Variants in HECW1 observed in about 807,000 individuals in gnomAD.
The protein encoded by HECW1 is E3 ubiquitin-protein ligase HECW1.
HECW1 carries 61 observed loss-of-function variants against 182.3 expected under a neutral mutation model. The ratio of observed to expected loss-of-function variants is 0.33; its 90% confidence interval spans 0.27 to 0.41. The LOEUF is 0.41. Ranked by LOEUF, HECW1 falls within the 10% of genes least tolerant of loss-of-function variation. The probability of loss-of-function intolerance (pLI) is 1.00; values close to 1 mark genes in which losing one functional copy is unlikely to be tolerated. For missense variants in HECW1, 1,739 were observed against 2,108.9 expected, an observed-to-expected ratio of 0.82 and a Z score of 3.44; for synonymous variants, 859 against 832.6, an observed-to-expected ratio of 1.03 and a Z score of -0.55.
intron 24 of HECW1, among the ~76,000 whole-genome samples, chr7:43,536,513 C>T (rs1462730067): frequency 6.6e-6 from 1 of 152,210 alleles, no homozygotes; most frequent in Non-Finnish European, 1.5e-5. Flanking sequence ...TGCATGTGCA[C>T]CTGCTGGGTA....
At chr7:43,520,626 TTATTA>T (rs2080422831) in intron 24 of HECW1, among the ~76,000 whole-genome samples, 1 of 126,870 alleles carries the variant, frequency 7.9e-6, no homozygotes, top group African/African-American at 2.7e-5. Context: ...AATTATTTTT[TTATTA>T]TTATTATTCT....
chr7:43,365,541 A>T lies in HECW1; in HGVS notation c.555+4561A>T, dbSNP rs1584642831. Among the ~76,000 whole-genome samples the T allele has an allele frequency of 1.3e-5, 2 of 152,176 alleles. 1 individual carries two copies. Among genetic ancestry groups the T allele is most frequent in the South Asian group, 4.1e-4 (2 of 4,832 alleles). ...ATGTGTAGTCAAAGATGTATTTCTT[A>T]TGTTGTCTTTATCAGCATTAAAATG... On this transcript the variant is annotated intron_variant, in intron 6 of 29. Transcript: ENST00000395891.
chr7:43,523,957 G>A (rs1010466735), intron 24 of HECW1, among the ~76,000 whole-genome samples: 1 of 152,068 alleles, frequency 6.6e-6, no homozygotes, highest in Non-Finnish European at 1.5e-5. Context: ...AATGAGTGAT[G>A]CCTAAGGCAA....
intron 2 of HECW1, among the ~76,000 whole-genome samples, chr7:43,159,770 C>T (rs892012368): frequency 7.1e-6 from 1 of 140,342 alleles, no homozygotes; most frequent in African/African-American, 2.8e-5. Flanking sequence ...AAGCTCTGCT[C>T]CCAGGTTCAT....
In HECW1 at chr7:43,385,201, C is replaced by T. The variant is rs1396088305; in HGVS notation, c.556-11613C>T. On this transcript the variant is annotated intron_variant, in intron 6 of 29. Transcript: ENST00000395891. Reference sequence around the variant, plus strand: ...ATCACTTGGCAGTCTCCCCTCTCCCCTCCCCTCCCCTCTCCCCACCCCTCC... The same window carrying T: ...ATCACTTGGCAGTCTCCCCTCTCCCTTCCCCTCCCCTCTCCCCACCCCTCC... Among the ~76,000 whole-genome samples the T allele has an allele frequency of 7.3e-4, 36 of 49,250 alleles. 1 individual carries two copies. Among genetic ancestry groups the T allele is most frequent in the African/African-American group, 3.2e-3 (35 of 11,068 alleles). 32.3% of individuals were successfully genotyped at this position (49,250 alleles called of 152,430 possible).
intron 3 of HECW1, among the ~76,000 whole-genome samples, chr7:43,301,264 T>C (rs1381224162): frequency 6.6e-6 from 1 of 152,206 alleles, no homozygotes; most frequent in African/African-American, 2.4e-5. Flanking sequence ...AGATACGCTT[T>C]TCCACGAGAA....
chr7:43,192,412 T>C (rs921599985), intron 2 of HECW1, among the ~76,000 whole-genome samples: 1 of 152,234 alleles, frequency 6.6e-6, no homozygotes, highest in African/African-American at 2.4e-5. Flanking sequence ...AATTTGATTA[T>C]ATGAATGTGC....
chr7:43,492,517 A>G (rs2078970141), intron 18 of HECW1, among the ~76,000 whole-genome samples: 1 of 152,172 alleles, frequency 6.6e-6, no homozygotes, highest in Non-Finnish European at 1.5e-5. Flanking sequence ...TACTGTTTTT[A>G]GACAGTTTTT....
At chr7:43,430,855 C>A (rs185196488) in intron 8 of HECW1, among the ~76,000 whole-genome samples, 17 of 150,078 alleles carry the variant, frequency 1.1e-4, no homozygotes, top group Admixed American at 6.7e-4. Context: ...GATCTCGGCT[C>A]ACCACAACCT....
In HECW1 at chr7:43,296,517, G is replaced by T. The variant is rs115861085; in HGVS notation, c.28-15246G>T. ...CAACTCTGAACTTGGCGGCGCAGCT[G>T]TGGACGCAGCTGCGGAAGCCTCAAG... On this transcript the variant is annotated intron_variant, in intron 3 of 29. Transcript: ENST00000395891. Among the ~76,000 whole-genome samples, 898 of 152,242 alleles carry T rather than the reference G, an allele frequency of 5.9e-3. 10 individuals carry two copies. Among genetic ancestry groups the T allele is most frequent in the African/African-American group, 0.021 (874 of 41,532 alleles).
At chr7:43,130,683 C>T (rs531428167) in intron 2 of HECW1, among the ~76,000 whole-genome samples, 1 of 152,300 alleles carries the variant, frequency 6.6e-6, no homozygotes, top group South Asian at 2.1e-4. Context: ...AGCTGTTAGA[C>T]AATGACAACA....
Position 43,477,848 on chromosome 7 carries a change from C to G in HECW1, c.3100-1762C>G, listed in dbSNP as rs2078275520. 3.9e-5 allele frequency among the ~76,000 whole-genome samples: 6 copies of G among 152,074 alleles called. No homozygotes were observed. In the South Asian group the frequency reaches 1.2e-3, roughly 32 times the overall value. On this transcript the variant is annotated intron_variant, in intron 16 of 29. Coordinates refer to ENST00000395891, the MANE Select transcript of HECW1 (RefSeq NM_015052.5). ...TACCTTCCAAGAATAATTTCTAAAT[C>G]TGTATAAAATTTCTTTTAACTACTT...
intron 2 of HECW1, among the ~76,000 whole-genome samples, chr7:43,143,271 A>G (rs1169785878): frequency 1.3e-5 from 2 of 151,460 alleles, no homozygotes; most frequent in African/African-American, 2.4e-5. Flanking sequence ...GTGCCCGGCC[A>G]AGGCCGCCTT....
intron 8 of HECW1, among the ~76,000 whole-genome samples, chr7:43,423,666 G>C (rs1262296823): frequency 1.3e-5 from 2 of 152,198 alleles, no homozygotes; most frequent in Non-Finnish European, 2.9e-5. Flanking sequence ...TCCATCCATG[G>C]TGGTGGGTGG....
At chr7:43,300,424 C>T (rs1806590208) in intron 3 of HECW1, among the ~76,000 whole-genome samples, 1 of 152,158 alleles carries the variant, frequency 6.6e-6, no homozygotes, top group African/African-American at 2.4e-5. Context: ...CCTGTGGCCC[C>T]ATCTGGAATA....
chr7:43,468,421 C>T (rs1305118748), intron 15 of HECW1, among the ~76,000 whole-genome samples: 1 of 152,048 alleles, frequency 6.6e-6, no homozygotes, highest in Non-Finnish European at 1.5e-5. Context: ...CATGTGGAGT[C>T]GCACAGAGAG....
intron 5 of HECW1, among the ~76,000 whole-genome samples, chr7:43,358,993 T>A (rs1304260533): frequency 6.6e-6 from 1 of 152,010 alleles, no homozygotes; most frequent in African/African-American, 2.4e-5. Context: ...GCCCAGCTAA[T>A]TTTTGTATTT....
rs536891004 is a variant in HECW1 at position 43,266,538 on chromosome 7, C to G, written c.27+22606C>G. 5.9e-5 allele frequency among the ~76,000 whole-genome samples: 9 copies of G among 152,130 alleles called. No individual in the cohort carries two copies. In the South Asian group the frequency reaches 1.9e-3, roughly 32 times the overall value. On this transcript the variant is annotated intron_variant, in intron 3 of 29. Coordinates refer to ENST00000395891, the MANE Select transcript of HECW1 (RefSeq NM_015052.5). ...TTTAATAGAGACGGAGTTTCACCAT[C>G]TTGGCCAGGCTGGTCTTGAACTCCC...
intron 2 of HECW1, among the ~76,000 whole-genome samples, chr7:43,170,948 G>A (rs1189921175): frequency 6.6e-6 from 1 of 152,164 alleles, no homozygotes; most frequent in Non-Finnish European, 1.5e-5. Context: ...GCAGCCAGGG[G>A]AAACATGAAT....
Sources: allele counts gnomAD v4.1 joint callset (sites outside exome capture counted in the v4.1 genomes callset), GRCh38; gene constraint gnomAD v4.1.1; transcripts MANE v1.5; gene names NCBI Gene and HGNC (gene_info 2026-07-23, HGNC 2026-07-21).